The following TAF3 variants were observed in gnomAD, a reference collection of about 807,000 sequenced individuals.
TAF3 encodes the protein TATA-box binding protein associated factor 3.
A neutral mutation model predicts 80.6 loss-of-function variants in TAF3; 7 were observed. The observed-to-expected ratio is 0.09, with a 90% CI of 0.05 to 0.16. The LOEUF is 0.16. TAF3 is among the 10% of genes least tolerant of loss of function. The probability of loss-of-function intolerance (pLI) is 1.00; values close to 1 mark genes in which losing one functional copy is unlikely to be tolerated. For synonymous variants in TAF3, 444 were observed against 446.1 expected (o/e 1.00, Z 0.06); for missense variants, 921 against 1,140.2 (o/e 0.81, Z 2.77).
intron 2 of TAF3, among the ~76,000 whole-genome samples, chr10:7,850,535 G>A (rs916650358): frequency 3.3e-5 from 5 of 152,058 alleles, no homozygotes; most frequent in African/African-American, 9.6e-5. Context: ...AATTAGCCAG[G>A]CATGGTGGCA....
chr10:7,826,598 GA>G (rs1286920211), intron 2 of TAF3, among the ~76,000 whole-genome samples: 2 of 152,048 alleles, frequency 1.3e-5, no homozygotes, highest in Non-Finnish European at 2.9e-5. Flanking sequence ...ATTTTAAAAG[GA>G]AAATAACAAA....
At chr10:7,884,863 A>G (rs1837394167) in intron 2 of TAF3, among the ~76,000 whole-genome samples, 1 of 152,212 alleles carries the variant, frequency 6.6e-6, no homozygotes, top group Non-Finnish European at 1.5e-5. Context: ...TAAAAGCATG[A>G]TTTCATATTA....
chr10:7,895,326 A>G (rs955934959), intron 2 of TAF3, among the ~76,000 whole-genome samples: 1 of 152,236 alleles, frequency 6.6e-6, no homozygotes, highest in Non-Finnish European at 1.5e-5. Flanking sequence ...TCTGTACAGC[A>G]ATGGCTTCAG....
chr10:7,983,227 G>A (rs999812527), intron 4 of TAF3, among the ~76,000 whole-genome samples: 28 of 152,190 alleles, frequency 1.8e-4, no homozygotes, highest in Middle Eastern at 6.3e-3. Context: ...CCCCCGTGAA[G>A]GACTTCGCTT....
intron 2 of TAF3, among the ~76,000 whole-genome samples, chr10:7,911,113 TAG>T (rs1182353321): frequency 6.6e-6 from 1 of 152,218 alleles, no homozygotes; most frequent in African/African-American, 2.4e-5. Context: ...CCTGAAAGTG[TAG>T]TCTTGCTATC....
chr10:7,935,066 C>T (rs551432124), intron 2 of TAF3, among the ~76,000 whole-genome samples: 1 of 152,192 alleles, frequency 6.6e-6, no homozygotes, highest in Non-Finnish European at 1.5e-5. Context: ...CACTTGAGGT[C>T]AGGAGTTCAA....
chr10:7,950,931 G>GA (rs1838076128), intron 2 of TAF3, among the ~76,000 whole-genome samples: 1 of 152,360 alleles, frequency 6.6e-6, no homozygotes, highest in Non-Finnish European at 1.5e-5. Flanking sequence ...GCCTCATAGA[G>GA]AAAATGCATG....
chr10:7,898,630 C>G (rs939118215), intron 2 of TAF3, among the ~76,000 whole-genome samples: 1 of 151,938 alleles, frequency 6.6e-6, no homozygotes, highest in East Asian at 1.9e-4. Context: ...CTCTCTCCCC[C>G]TCAGTTGTAA....
At chr10:7,883,576 C>G (rs111369524) in intron 2 of TAF3, among the ~76,000 whole-genome samples, 1,668 of 152,244 alleles carry the variant, frequency 0.011, 20 homozygotes, top group Middle Eastern at 0.031. Context: ...AAACTTTTAC[C>G]TACTAGTTTA....
intron 4 of TAF3, among the ~76,000 whole-genome samples, chr10:7,997,060 T>C (rs1263945326): frequency 6.6e-6 from 1 of 152,100 alleles, no homozygotes; most frequent in Non-Finnish European, 1.5e-5. Context: ...ATTTCTGAGA[T>C]TGATCAAAAA....
chr10:7,874,093 A>T (rs1311195231), intron 2 of TAF3, among the ~76,000 whole-genome samples: 1 of 152,252 alleles, frequency 6.6e-6, no homozygotes, highest in Non-Finnish European at 1.5e-5. Flanking sequence ...CAAGCTCTTA[A>T]TGATTTTTTA....
intron 2 of TAF3, among the ~76,000 whole-genome samples, chr10:7,838,903 T>G (rs1836880227): frequency 7.3e-6 from 1 of 137,692 alleles, no homozygotes; most frequent in Non-Finnish European, 1.6e-5. Context: ...CTGGAGGCAT[T>G]GCTTGTTTTT....
At chr10:7,873,454 A>G (rs529737755) in intron 2 of TAF3, among the ~76,000 whole-genome samples, 3 of 152,342 alleles carry the variant, frequency 2.0e-5, no homozygotes, top group African/African-American at 7.2e-5. Flanking sequence ...TGGTTGAGGA[A>G]CCTGTCATGT....
intron 4 of TAF3, among the ~76,000 whole-genome samples, chr10:7,981,573 A>G (rs980901834): frequency 6.6e-6 from 1 of 152,222 alleles, no homozygotes; most frequent in African/African-American, 2.4e-5. Context: ...CTGTTTAACA[A>G]ATATAACTCC....
At chr10:7,819,998 C>T (rs1836674675) in intron 1 of TAF3, among the ~76,000 whole-genome samples, 1 of 152,178 alleles carries the variant, frequency 6.6e-6, no homozygotes, top group Non-Finnish European at 1.5e-5. Context: ...AAACTCTTAG[C>T]AGTACACAGT....
chr10:7,949,724 A>G (rs539039567), intron 2 of TAF3, among the ~76,000 whole-genome samples: 1 of 152,104 alleles, frequency 6.6e-6, no homozygotes, highest in African/African-American at 2.4e-5. Context: ...AACATTGCCA[A>G]TTAGACTGTG....
At position 7,964,329 on chromosome 10, in the gene TAF3, G is replaced by C; in HGVS notation, c.819G>C (p.Lys273Asn). Residue 273 changes from lysine (K) to asparagine (N), a missense_variant, in exon 3 of 7, where the codon AAG becomes AAC. Coordinates refer to ENST00000344293, the MANE Select transcript of TAF3 (RefSeq NM_031923.4). The surrounding 1 kb of genome is among the most constrained non-coding windows in gnomAD (Gnocchi z 4.1). The stretch of plus-strand genomic sequence containing the variant: ...CAAAGTCATTTACACCTAAAACAAA[G>C]ACTAAAACTAGCTCTCCAGGACAGA... ...LETKSFTPKT[K>N]TKTSSPGQKT... 6.2e-7 allele frequency: 1 copy of C among 1,614,096 alleles called. No individual in the cohort carries two copies. Among genetic ancestry groups the C allele is most frequent in the Non-Finnish European group, 8.5e-7 (1 of 1,180,020 alleles).
intron 2 of TAF3, among the ~76,000 whole-genome samples, chr10:7,847,566 T>G (rs1460008894): frequency 6.6e-6 from 1 of 152,038 alleles, no homozygotes; most frequent in Non-Finnish European, 1.5e-5. Context: ...GCCTCAGCCT[T>G]CTGGGTAGCT....
intron 5 of TAF3, among the ~76,000 whole-genome samples, chr10:8,010,319 T>C (rs1832042180): frequency 6.6e-6 from 1 of 152,246 alleles, no homozygotes. Context: ...AGCTTGTTTT[T>C]ATATTGTTTT....
Sources: gnomAD v4.1 joint callset for allele counts (sites outside exome capture counted in the v4.1 genomes callset) on GRCh38, gnomAD v4.1.1 for gene constraint, Gnocchi (gnomAD v3.1) non-coding constraint, MANE v1.5 for transcripts, NCBI Gene and HGNC (gene_info 2026-07-23, HGNC 2026-07-21) for gene names.